CRLF2: variants seen among roughly 807,000 people sequenced by gnomAD.
CRLF2 encodes cytokine receptor like factor 2.
A neutral mutation model predicts 38.7 loss-of-function variants in CRLF2; 41 were observed. That is an observed-to-expected ratio of 1.06 (90% confidence interval 0.83 to 1.37). The LOEUF is 1.37. CRLF2 is among the 40% of genes most tolerant of loss of function. CRLF2 has a pLI of 0.00. For missense variants in CRLF2, 377 were observed against 322.2 expected, an observed-to-expected ratio of 1.17 and a Z score of -1.30; for synonymous variants, 140 against 128.8, an observed-to-expected ratio of 1.09 and a Z score of -0.59.
At chrX:1,208,988 G>C in intron 1 of CRLF2, 80 bp from the exon 2 acceptor site, 1 of 870,806 alleles carries the variant, frequency 1.1e-6, no homozygotes. Flanking sequence ...TTCTTTTTGA[G>C]ACAGAGTCTC....
chrX:1,209,025 T>C (rs1252239362), intron 1 of CRLF2, 117 bp from the exon 2 acceptor site: 5 of 645,998 alleles, frequency 7.7e-6, no homozygotes, highest in Non-Finnish European at 1.3e-5. Context: ...TGGAGTACAA[T>C]GGCACGATCT....
chrX:1,192,737 T>TTTCTTTC (rs2086412928), intron 7 of CRLF2, among the ~76,000 whole-genome samples: 1 of 141,626 alleles, frequency 7.1e-6, no homozygotes, highest in Non-Finnish European at 1.6e-5. Flanking sequence ...TCTTTCTTTC[T>TTTCTTTC]TTCTTTCTTT....
In CRLF2 at chrX:1,196,955, G is replaced by A. The variant is rs764116837; in HGVS notation, c.647-55C>T. On this transcript the variant is annotated intron_variant, in intron 5 of 7. Transcript: ENST00000400841. ...TTTTCAACATGACGTGCGGCTGTACGTTTTCAACGTGATGTTACATCTCAT... is the reference window on the plus strand; with the variant it reads ...TTTTCAACATGACGTGCGGCTGTACATTTTCAACGTGATGTTACATCTCAT... The A allele has an allele frequency of 6.4e-5, 98 of 1,541,256 alleles. No homozygotes were observed. The East Asian group carries it at 1.2e-3, about 19-fold the overall frequency.
At chrX:1,193,369 C>T (rs1431442267) in intron 6 of CRLF2, 67 bp from the exon 7 acceptor site, 4 of 398,340 alleles carry the variant, frequency 1.0e-5, no homozygotes, top group African/African-American at 2.1e-5. Context: ...GCAAGAAGCA[C>T]CTACAGGGCA....
At chrX:1,197,956 C>T (rs1198778181) in intron 5 of CRLF2, among the ~76,000 whole-genome samples, 3 of 152,050 alleles carry the variant, frequency 2.0e-5, no homozygotes, top group East Asian at 1.9e-4. Context: ...GAGCCGAGAT[C>T]GCGCCACTGC....
intron 4 of CRLF2, among the ~76,000 whole-genome samples, chrX:1,201,939 T>A (rs1242505862): frequency 6.6e-6 from 1 of 151,296 alleles, no homozygotes; most frequent in Non-Finnish European, 1.5e-5. Flanking sequence ...GAGAGATAGA[T>A]AGAACAAAGA....
intron 7 of CRLF2, among the ~76,000 whole-genome samples, chrX:1,192,591 TTCC>T (rs2086404125): frequency 6.6e-6 from 1 of 151,606 alleles, no homozygotes; most frequent in Non-Finnish European, 1.5e-5. Context: ...TCTTTCTTCC[TTCC>T]TTTCTTCCTT....
intron 1 of CRLF2, among the ~76,000 whole-genome samples, chrX:1,209,359 TCTCA>T (rs2086752329): frequency 6.7e-6 from 1 of 148,738 alleles, no homozygotes; most frequent in African/African-American, 2.5e-5. Flanking sequence ...TGAGACAGAC[TCTCA>T]CTCTGTCACC....
chrX:1,209,413 G>C (rs77917666), intron 1 of CRLF2, among the ~76,000 whole-genome samples: 69,318 of 149,040 alleles, frequency 0.47, 18,690 homozygotes, highest in African/African-American at 0.75. Context: ...CTCACTGCAA[G>C]CTCCGCCTCC....
chrX:1,191,341 C>CTTTT (rs1360341161), intron 7 of CRLF2, among the ~76,000 whole-genome samples, 181 bp from the exon 8 acceptor site: 1 of 103,672 alleles, frequency 9.6e-6, no homozygotes, highest in Non-Finnish European at 2.1e-5. Context: ...TTCTTTCTTT[C>CTTTT]TTTCCTTCTT....
rs1164333676 is a variant in CRLF2, at chrX:1,198,641, A to C, written c.567T>G (p.Ala189=). ...KCYSFWVRVK[A]MEDVYGPDTY... is the part of the protein sequence containing the mutation. ...TGTCTGGCCCATATACATCCTCCATAGCCTTCACCCTGACCCAGAAAGAGT... is the reference window on the plus strand; with the variant it reads ...TGTCTGGCCCATATACATCCTCCATCGCCTTCACCCTGACCCAGAAAGAGT... Residue 189 remains alanine, a synonymous_variant, in exon 5 of 8, where the codon GCT becomes GCG. Transcript: ENST00000400841. The C allele has an allele frequency of 1.9e-5, 31 of 1,613,408 alleles. No homozygotes were observed. The highest frequency in any genetic ancestry group is 2.6e-5 in the Non-Finnish European group (31 of 1,179,668).
intron 5 of CRLF2, among the ~76,000 whole-genome samples, 193 bp from the exon 6 acceptor site, chrX:1,197,093 C>CTTTTTTT (rs371615837): frequency 8.4e-6 from 1 of 118,632 alleles, no homozygotes; most frequent in African/African-American, 3.3e-5. Flanking sequence ...AAATCTTTTA[C>CTTTTTTT]TTTTTTTTTT....
At chrX:1,205,875 C>A (rs2086682193) in intron 3 of CRLF2, among the ~76,000 whole-genome samples, 1 of 147,690 alleles carries the variant, frequency 6.8e-6, no homozygotes, top group African/African-American at 2.5e-5. Context: ...GAAGGAAGTA[C>A]GAAAAGCATG....
rs563570058 is a variant in CRLF2, at chrX:1,198,687, C to A, written c.521G>T (p.Gly174Val). Residue 174 changes from glycine (G) to valine (V), a missense_variant, in exon 5 of 8, where the codon GGC (glycine) becomes GTC (valine). By Grantham distance (109) the Gly-to-Val change is moderately radical (BLOSUM62 -3). Transcript: ENST00000400841. Reference sequence around the variant, plus strand: ...AGAGTAACACTTCTCGGCATCCAAGCCTTCTATGGTGACGTTGCAGGTATT... The same window carrying A: ...AGAGTAACACTTCTCGGCATCCAAGACTTCTATGGTGACGTTGCAGGTATT... The part of the protein sequence containing the change: ...QENTCNVTIE[G>V]LDAEKCYSFW... 1.4e-5 allele frequency: 22 copies of A among 1,611,638 alleles called. No homozygotes were observed. Among genetic ancestry groups the A allele is most frequent in the Middle Eastern group, 1.7e-4 (1 of 6,054 alleles).
rs771075495 is a variant in CRLF2, at chrX:1,199,018, G to A, written c.484-294C>T. The A allele has an allele frequency of 8.8e-4, 394 of 447,082 alleles. 1 individual carries two copies. Among genetic ancestry groups the A allele is most frequent in the African/African-American group, 6.2e-3 (307 of 49,894 alleles). The allele number at this position is 447,082 out of a possible 1,614,324, so 27.7% of individuals were successfully genotyped here. A position where few individuals can be genotyped will look rare whatever the true frequency, so the allele number is the denominator to read the frequency against. On this transcript the variant is annotated intron_variant, in intron 4 of 7. Coordinates refer to ENST00000400841, the MANE Select transcript of CRLF2 (RefSeq NM_022148.4). Reference sequence around the variant, plus strand: ...ACAAAAATTAGCCAGGCGTGGTGGCGGGTGCCTGTAATCCCAGCTACTTGG... The same window carrying A: ...ACAAAAATTAGCCAGGCGTGGTGGCAGGTGCCTGTAATCCCAGCTACTTGG...
chrX:1,207,733 T>A (rs1436883249), intron 2 of CRLF2, among the ~76,000 whole-genome samples: 25 of 151,670 alleles, frequency 1.6e-4, no homozygotes, highest in Non-Finnish European at 3.4e-4. Context: ...CACCGTGAAC[T>A]CCGTCTCCCA....
rs1344182065 is a variant in CRLF2, at chrX:1,191,036, A to G, written c.977T>C (p.Met326Thr). ...TTTCTCCTCGGTCTGTGGGTCCAGC[A>G]TCCTGGGAGACTCGGCTTCAGTCTT... ...LAKTEAESPR[M>T]LDPQTEEKEA... Residue 326 changes from methionine (M) to threonine (T), a missense_variant, in exon 8 of 8, where the codon ATG becomes ACG. By Grantham distance (81) the Met-to-Thr change is moderately conservative (BLOSUM62 -1). Transcript: ENST00000400841. 2.5e-6 allele frequency: 1 copy of G among 398,534 alleles called. No homozygotes were observed. The highest frequency in any genetic ancestry group is 2.1e-5 in the African/African-American group (1 of 48,624). 24.7% of individuals were successfully genotyped at this position (398,534 alleles called of 1,614,324 possible).
At chrX:1,197,218 G>C (rs1449655724) in intron 5 of CRLF2, among the ~76,000 whole-genome samples, 13 of 149,146 alleles carry the variant, frequency 8.7e-5, no homozygotes, top group Admixed American at 2.7e-4. Context: ...TCAGCCTCCC[G>C]AGCAGCTGGG....
At position 1,195,937 on chromosome X, in the gene CRLF2, ATATT is replaced by A. The variant is rs1230678038; in HGVS notation, c.767+839_767+842del. On this transcript the variant is annotated intron_variant, in intron 6 of 7. Transcript: ENST00000400841. ...TATTTTTATATAGATTACATTAAAT[ATATT>A]TATATATATTTTATATATAAATTAA... is the stretch of plus-strand genomic sequence containing the variant. Among the ~76,000 whole-genome samples, 37 of 141,806 alleles carry A rather than the reference ATATT, an allele frequency of 2.6e-4. No individual in the cohort carries two copies. In the South Asian group the frequency reaches 2.7e-3, roughly 11 times the overall value. The allele number at this position is 141,806 out of a possible 152,430, so 93.0% of individuals were successfully genotyped here. A position where few individuals can be genotyped will look rare whatever the true frequency, so the allele number is the denominator to read the frequency against.
Sources: gnomAD v4.1 joint callset for allele counts (sites outside exome capture counted in the v4.1 genomes callset) on GRCh38, gnomAD v4.1.1 for gene constraint, MANE v1.5 for transcripts, NCBI Gene and HGNC (gene_info 2026-07-23, HGNC 2026-07-21) for gene names.